Variants in LINGO2 observed in about 807,000 individuals in gnomAD.
LINGO2 encodes leucine rich repeat and Ig domain containing 2, also known as leucine-rich repeat and immunoglobulin-like domain-containing nogo receptor-interacting protein 2.
A neutral mutation model predicts 30.6 loss-of-function variants in LINGO2; 14 were observed. The observed-to-expected ratio is 0.46, with a 90% CI of 0.30 to 0.72. The LOEUF (loss-of-function observed/expected upper bound fraction) is 0.72. LINGO2 is among the 30% of genes least tolerant of loss of function. The pLI, the probability that LINGO2 is intolerant of heterozygous loss-of-function variation, is 0.07. For missense variants in LINGO2, 729 were observed against 751.7 expected (o/e 0.97, Z 0.35); for synonymous variants, 317 against 288.5 (o/e 1.10, Z -1.00).
chr9:28,499,290 T>A (rs975589645), intron 1 of LINGO2, among the ~76,000 whole-genome samples: 2 of 152,172 alleles, frequency 1.3e-5, no homozygotes, highest in African/African-American at 4.8e-5. Flanking sequence ...AGAAAGACCA[T>A]CTCAGTCAGA....
chr9:28,037,064 T>C (rs1823972113), intron 4 of LINGO2, among the ~76,000 whole-genome samples: 1 of 152,214 alleles, frequency 6.6e-6, no homozygotes, highest in Non-Finnish European at 1.5e-5. Flanking sequence ...GCTTGGCTTA[T>C]TGTGGATGAA....
At chr9:29,083,601 T>C in the LINGO2 span, among the ~76,000 whole-genome samples, 1 of 150,698 alleles carries the variant, frequency 6.6e-6, no homozygotes, top group Admixed American at 6.6e-5. Context: ...AAAAGAAGAA[T>C]GCACCTGGGG....
intron 3 of LINGO2, among the ~76,000 whole-genome samples, chr9:28,355,299 G>GTCTCTCTCTCTCTCTCTCTCTC (rs3065608): frequency 8.3e-6 from 1 of 120,946 alleles, no homozygotes; most frequent in African/African-American, 3.2e-5. Context: ...CTCTCTCTAT[G>GTCTCTCTCTCTCTCTCTCTCTC]TCTCTCTCTC....
intron 4 of LINGO2, among the ~76,000 whole-genome samples, chr9:28,122,433 C>T (rs543573807): frequency 1.3e-5 from 2 of 152,266 alleles, no homozygotes; most frequent in Admixed American, 1.3e-4. Flanking sequence ...TATTGAAACT[C>T]ACATCTTACA....
intron 4 of LINGO2, among the ~76,000 whole-genome samples, chr9:28,133,122 T>C (rs1827422725): frequency 6.6e-6 from 1 of 152,174 alleles, no homozygotes; most frequent in Admixed American, 6.5e-5. Context: ...AAGAACAGGA[T>C]TATTTGAACA....
chr9:28,669,045 G>A, intron 1 of LINGO2, among the ~76,000 whole-genome samples: 1 of 151,948 alleles, frequency 6.6e-6, no homozygotes, highest in Admixed American at 6.6e-5. Context: ...TTTTGTACCT[G>A]TTTAATTTAC....
chr9:28,475,008 AT>A (rs1825674205), intron 2 of LINGO2, among the ~76,000 whole-genome samples: 1 of 152,106 alleles, frequency 6.6e-6, no homozygotes, highest in Non-Finnish European at 1.5e-5. Flanking sequence ...AAAACATTCA[AT>A]CTACAATGCA....
chr9:29,043,286 T>C, the LINGO2 span, among the ~76,000 whole-genome samples: 1 of 151,440 alleles, frequency 6.6e-6, no homozygotes, highest in Non-Finnish European at 1.5e-5. Flanking sequence ...GTTAAGAAAC[T>C]TGGATTCTGC....
chr9:28,447,697 C>A (rs935406373), intron 2 of LINGO2, among the ~76,000 whole-genome samples: 1 of 152,154 alleles, frequency 6.6e-6, no homozygotes, highest in Non-Finnish European at 1.5e-5. Flanking sequence ...AATCTTCTCT[C>A]AGTATTCATT....
intron 2 of LINGO2, among the ~76,000 whole-genome samples, chr9:28,470,695 A>G (rs910701074): frequency 2.0e-5 from 3 of 152,124 alleles, no homozygotes; most frequent in Admixed American, 1.3e-4. Flanking sequence ...TTCTACTGTC[A>G]TAAGATAGGT....
intron 4 of LINGO2, among the ~76,000 whole-genome samples, chr9:28,088,256 A>G (rs979804024): frequency 6.6e-6 from 1 of 151,604 alleles, no homozygotes; most frequent in Non-Finnish European, 1.5e-5. Context: ...GTTTAGTACA[A>G]CTAATGGGTA....
At chr9:27,957,206 C>G (rs58381113) in intron 5 of LINGO2, among the ~76,000 whole-genome samples, 5,855 of 152,278 alleles carry the variant, frequency 0.038, 348 homozygotes, top group African/African-American at 0.13. Flanking sequence ...CTCCATTTCT[C>G]TTTTCTATTC....
the LINGO2 span, among the ~76,000 whole-genome samples, chr9:28,760,235 C>CA: frequency 7.6e-4 from 115 of 151,986 alleles, 3 homozygotes; most frequent in African/African-American, 2.7e-3. Context: ...TAATTTCTTT[C>CA]AAAAAAGTAA....
In LINGO2 at chr9:28,470,279, A is replaced by G. The variant is rs188413503; in HGVS notation, c.-279+5661T>C. Among the ~76,000 whole-genome samples, 1,054 of 152,354 alleles carry G rather than the reference A, an allele frequency of 6.9e-3. 7 individuals are homozygous for G. The highest frequency in any genetic ancestry group is 0.012 in the Admixed American group (177 of 15,296). On this transcript the variant is annotated intron_variant, in intron 2 of 5. Coordinates refer to ENST00000379992, the Ensembl canonical transcript of LINGO2. ...ATATTTTACCAAAATAAAACAAAGA[A>G]AAACGTATTTGAATTTTGCTAATTC... is the stretch of plus-strand genomic sequence containing the variant.
chr9:28,175,777 C>T (rs1024072466), intron 4 of LINGO2, among the ~76,000 whole-genome samples: 1 of 152,176 alleles, frequency 6.6e-6, no homozygotes, highest in African/African-American at 2.4e-5. Flanking sequence ...CCTGTTCACT[C>T]TTATTACAAT....
chr9:28,014,901 AG>A (rs1189222617), intron 4 of LINGO2, among the ~76,000 whole-genome samples: 3 of 152,158 alleles, frequency 2.0e-5, no homozygotes, highest in African/African-American at 7.2e-5. Context: ...TAATCTGCAT[AG>A]ATTTATAAAT....
intron 5 of LINGO2, among the ~76,000 whole-genome samples, chr9:27,983,879 C>G (rs10812715): frequency 0.37 from 56,282 of 151,656 alleles, 10,418 homozygotes; most frequent in African/African-American, 0.39. Flanking sequence ...GCTTTCCTAC[C>G]AGAAATTTCT....
At chr9:28,243,407 C>T (rs956029183) in intron 4 of LINGO2, among the ~76,000 whole-genome samples, 21 of 150,576 alleles carry the variant, frequency 1.4e-4, no homozygotes, top group Non-Finnish European at 2.4e-4. Flanking sequence ...TTACAGTGAG[C>T]CAAGATCGTG....
At chr9:28,384,494 C>G (rs1821495107) in intron 2 of LINGO2, among the ~76,000 whole-genome samples, 1 of 151,600 alleles carries the variant, frequency 6.6e-6, no homozygotes, top group African/African-American at 2.4e-5. Flanking sequence ...AATTTTGTCT[C>G]ATTTTCTATA....
Sources: allele counts gnomAD v4.1 joint callset (sites outside exome capture counted in the v4.1 genomes callset), GRCh38; gene constraint gnomAD v4.1.1; transcripts MANE v1.5; gene names NCBI Gene and HGNC (gene_info 2026-07-23, HGNC 2026-07-21).